Variants in TPST1 observed in about 807,000 individuals in gnomAD.
The protein encoded by TPST1 is protein-tyrosine sulfotransferase 1.
A neutral mutation model predicts 34.8 loss-of-function variants in TPST1; 20 were observed. That is an observed-to-expected ratio of 0.57 (90% confidence interval 0.40 to 0.84). The LOEUF is 0.84. TPST1 is among the 40% of genes least tolerant of loss of function. The pLI is 0.00. For synonymous variants in TPST1, 152 were observed against 159.4 expected (o/e 0.95, Z 0.35); for missense variants, 353 against 455.5 (o/e 0.78, Z 2.05).
At chr7:66,252,962 TATGGAAA>T (rs1790299169) in intron 2 of TPST1, among the ~76,000 whole-genome samples, 1 of 152,200 alleles carries the variant, frequency 6.6e-6, no homozygotes, top group Non-Finnish European at 1.5e-5. Context: ...CGGAACCATC[TATGGAAA>T]TACAGTCAGT....
At chr7:66,264,583 C>T (rs1326480477) in intron 2 of TPST1, among the ~76,000 whole-genome samples, 1 of 152,152 alleles carries the variant, frequency 6.6e-6, no homozygotes, top group Admixed American at 6.5e-5. Flanking sequence ...ATAGAGACTC[C>T]AGTGACTGCA....
Position 66,212,684 on chromosome 7 carries a change from G to T in TPST1, c.-102+7162G>T, listed in dbSNP as rs1005907816. On this transcript the variant is annotated intron_variant, in intron 1 of 5. Coordinates refer to ENST00000304842, the MANE Select transcript of TPST1 (RefSeq NM_003596.4). ...CATGTTGGCCAGGCTGGTCTCGAACGCCTGACCTCAAGTGATTCCCCCACC... is the reference window on the plus strand; with the variant it reads ...CATGTTGGCCAGGCTGGTCTCGAACTCCTGACCTCAAGTGATTCCCCCACC... 2.6e-4 allele frequency among the ~76,000 whole-genome samples: 40 copies of T among 152,026 alleles called. No individual in the cohort carries two copies. In the East Asian group the frequency reaches 7.4e-3, roughly 28 times the overall value.
Position 66,308,448 on chromosome 7 carries a change from C to A in TPST1, c.1044+21739C>A, listed in dbSNP as rs114430286. Among the ~76,000 whole-genome samples, 226 of 152,224 alleles carry A rather than the reference C, an allele frequency of 1.5e-3. 1 individual carries two copies. Among genetic ancestry groups the A allele is most frequent in the African/African-American group, 5.2e-3 (218 of 41,552 alleles). ...GTAGAGAGAGGCAGCTCTAATGTAA[C>A]CCCTGAGGTATGGCTTTAGTATGCT... On this transcript the variant is annotated intron_variant, in intron 3 of 5. Coordinates refer to ENST00000304842, the MANE Select transcript of TPST1 (RefSeq NM_003596.4).
At chr7:66,347,332 T>G (rs995828123) in intron 3 of TPST1, among the ~76,000 whole-genome samples, 1 of 152,146 alleles carries the variant, frequency 6.6e-6, no homozygotes, top group African/African-American at 2.4e-5. Flanking sequence ...CTTACTAAAG[T>G]GCTGGGATTA....
At chr7:66,245,286 A>C (rs1015355155) in intron 2 of TPST1, among the ~76,000 whole-genome samples, 1 of 152,196 alleles carries the variant, frequency 6.6e-6, no homozygotes, top group Non-Finnish European at 1.5e-5. Flanking sequence ...ATTGGACTTA[A>C]CTCTGAATAC....
intron 1 of TPST1, among the ~76,000 whole-genome samples, chr7:66,206,488 G>C (rs771519985): frequency 1.5e-4 from 23 of 152,262 alleles, no homozygotes; most frequent in Non-Finnish European, 3.1e-4. Flanking sequence ...GAGATGGCAG[G>C]AGAAATTGGT....
chr7:66,354,703 G>A (rs896971626), intron 4 of TPST1, among the ~76,000 whole-genome samples: 9 of 151,382 alleles, frequency 5.9e-5, no homozygotes, highest in African/African-American at 2.2e-4. Context: ...AATGAAAGTT[G>A]TTAGAGGATA....
chr7:66,354,787 G>A (rs1384314991), intron 4 of TPST1, among the ~76,000 whole-genome samples: 1 of 152,088 alleles, frequency 6.6e-6, no homozygotes, highest in Non-Finnish European at 1.5e-5. Flanking sequence ...TTGAGTCCAG[G>A]CATTCAAAAC....
intron 3 of TPST1, among the ~76,000 whole-genome samples, chr7:66,297,515 A>G (rs1164668958): frequency 6.6e-6 from 1 of 152,174 alleles, no homozygotes; most frequent in Non-Finnish European, 1.5e-5. Context: ...CCCCAAAACA[A>G]TTCAAGAACC....
intron 3 of TPST1, among the ~76,000 whole-genome samples, chr7:66,299,113 G>A (rs1393286598): frequency 9.7e-5 from 13 of 134,632 alleles, no homozygotes; most frequent in African/African-American, 1.7e-4. Context: ...GCAACAGAGC[G>A]AGACACCGTC....
intron 2 of TPST1, among the ~76,000 whole-genome samples, chr7:66,285,917 A>G (rs549949187): frequency 6.6e-6 from 1 of 152,284 alleles, no homozygotes; most frequent in Admixed American, 6.5e-5. Flanking sequence ...AGAAAATAAG[A>G]TTTTTAAGGA....
chr7:66,343,209 G>A (rs1792275028), intron 3 of TPST1, among the ~76,000 whole-genome samples: 2 of 152,234 alleles, frequency 1.3e-5, no homozygotes, highest in African/African-American at 4.8e-5. Context: ...AGTCTTTAGG[G>A]AAACGAAGAA....
intron 1 of TPST1, among the ~76,000 whole-genome samples, chr7:66,230,975 G>A (rs1294967875): frequency 6.6e-6 from 1 of 152,114 alleles, no homozygotes; most frequent in Non-Finnish European, 1.5e-5. Flanking sequence ...ACAGAGTGTC[G>A]ATTGGTGCAT....
At chr7:66,276,864 C>T (rs540036867) in intron 2 of TPST1, among the ~76,000 whole-genome samples, 3 of 152,134 alleles carry the variant, frequency 2.0e-5, no homozygotes, top group African/African-American at 7.2e-5. Flanking sequence ...TTTAACAACT[C>T]TTTATGGTAT....
chr7:66,350,534 A>AAC (rs1792455657), intron 3 of TPST1, among the ~76,000 whole-genome samples: 1 of 134,474 alleles, frequency 7.4e-6, no homozygotes, highest in Non-Finnish European at 1.6e-5. Context: ...AACGGAGAAC[A>AAC]AAAAAAAAAA....
chr7:66,223,524 G>A (rs917147787), intron 1 of TPST1, among the ~76,000 whole-genome samples: 6 of 148,326 alleles, frequency 4.0e-5, no homozygotes, highest in African/African-American at 5.0e-5. Context: ...TTGAGTTACC[G>A]AATAAGAATA....
chr7:66,334,475 A>C (rs1792054563), intron 3 of TPST1, among the ~76,000 whole-genome samples: 2 of 151,830 alleles, frequency 1.3e-5, no homozygotes, highest in Non-Finnish European at 2.9e-5. Context: ...GTCTCTACTA[A>C]AAATACAAAC....
At chr7:66,278,100 CAAAAAAAAAAA>C (rs35654351) in intron 2 of TPST1, among the ~76,000 whole-genome samples, 5,074 of 50,464 alleles carry the variant, frequency 0.1, 154 homozygotes, top group African/African-American at 0.17. Flanking sequence ...GACTCCATCT[CAAAAAAAAAAA>C]AAAAAAAAAA....
intron 1 of TPST1, among the ~76,000 whole-genome samples, chr7:66,229,260 G>A (rs544231311): frequency 1.3e-5 from 2 of 152,124 alleles, no homozygotes; most frequent in South Asian, 2.1e-4. Flanking sequence ...ACAGGCACCC[G>A]CCACCACGCC....
Sources: gnomAD v4.1 joint callset for allele counts (sites outside exome capture counted in the v4.1 genomes callset) on GRCh38, gnomAD v4.1.1 for gene constraint, MANE v1.5 for transcripts, NCBI Gene and HGNC (gene_info 2026-07-23, HGNC 2026-07-21) for gene names.